ANKRD33B: variants seen among roughly 807,000 people sequenced by gnomAD.
The protein encoded by ANKRD33B is ankyrin repeat domain 33B, also known as ankyrin repeat domain-containing protein 33B.
In ANKRD33B, 6 loss-of-function variants were observed where a neutral mutation model predicts 21.5. The observed-to-expected ratio is 0.28, with a 90% CI of 0.15 to 0.55. The LOEUF (loss-of-function observed/expected upper bound fraction) is 0.55. Ranked by LOEUF, ANKRD33B falls within the 20% of genes least tolerant of loss-of-function variation. ANKRD33B has a pLI of 0.94. For missense variants in ANKRD33B, 698 were observed against 747.2 expected (o/e 0.93, Z 0.77); for synonymous variants, 347 against 342.4 (o/e 1.01, Z -0.15).
chr5:10,638,537 T>C (rs1736929076), intron 3 of ANKRD33B, among the ~76,000 whole-genome samples: 2 of 152,216 alleles, frequency 1.3e-5, no homozygotes, highest in African/African-American at 2.4e-5. Context: ...AAGGTGGGCG[T>C]AGGGATGGTG....
In ANKRD33B at chr5:10,622,794, C is replaced by CTTTTT. The variant is rs1436392852; in HGVS notation, c.496+4335_496+4336insTTTTT. Among the ~76,000 whole-genome samples the CTTTTT allele has an allele frequency of 1.3e-4, 10 of 78,588 alleles. 1 individual carries two copies. Among genetic ancestry groups the CTTTTT allele is most frequent in the Non-Finnish European group, 1.7e-4 (7 of 41,654 alleles). 51.6% of individuals were successfully genotyped at this position (78,588 alleles called of 152,430 possible). The stretch of plus-strand genomic sequence containing the variant: ...GATCCAGGGTTGTTTTTTGTTTTTG[C>CTTTTT]TTTATTTTATTTTATTTTTTTTTTT... On this transcript the variant is annotated intron_variant, in intron 2 of 3. Coordinates refer to ENST00000296657, the MANE Select transcript of ANKRD33B (RefSeq NM_001164440.2).
chr5:10,585,717 A>G (rs1279682992), intron 1 of ANKRD33B, among the ~76,000 whole-genome samples: 1 of 152,100 alleles, frequency 6.6e-6, no homozygotes, highest in Non-Finnish European at 1.5e-5. Context: ...CAGGTGTTTG[A>G]TGGGTTACCA....
rs1156673817 is a variant in ANKRD33B, at chr5:10,650,047, C to T, written c.1419C>T (p.Ala473=). ...AGGAGAAGAGGAAGGCAGAGGAGGC[C>T]GAAAAGAAGCGCCAGGCCGAGGCGC... The part of the protein sequence containing the change: ...AKEEKRKAEE[A]EKKRQAEAQK... The change falls in exon 4 of 4, where the codon GCC becomes GCT. Residue 473 remains alanine (A), a synonymous_variant. Transcript: ENST00000296657. 2 of 1,530,938 alleles carry T rather than the reference C, an allele frequency of 1.3e-6. No homozygotes were observed. The highest frequency in any genetic ancestry group is 8.7e-7 in the Non-Finnish European group (1 of 1,143,668). The allele number at this position is 1,530,938 out of a possible 1,614,324, so 94.8% of individuals were successfully genotyped here. A position where few individuals can be genotyped will look rare whatever the true frequency, so the allele number is the denominator to read the frequency against.
At chr5:10,573,529 G>A (rs1735248910) in intron 1 of ANKRD33B, among the ~76,000 whole-genome samples, 1 of 151,398 alleles carries the variant, frequency 6.6e-6, no homozygotes, top group African/African-American at 2.4e-5. Flanking sequence ...GTATTAGTCT[G>A]TTTTCATACT....
chr5:10,641,947 T>C (rs757007802), intron 3 of ANKRD33B, among the ~76,000 whole-genome samples: 1 of 152,260 alleles, frequency 6.6e-6, no homozygotes, highest in Non-Finnish European at 1.5e-5. Context: ...TTCCTACTAA[T>C]TAAATGGTAA....
intron 1 of ANKRD33B, among the ~76,000 whole-genome samples, chr5:10,610,861 G>T (rs755845071): frequency 4.6e-5 from 7 of 152,032 alleles, no homozygotes; most frequent in South Asian, 2.1e-4. Context: ...CTTGGCCAAC[G>T]TGGCGAAACC....
At chr5:10,575,511 GT>G (rs1456395674) in intron 1 of ANKRD33B, among the ~76,000 whole-genome samples, 9 of 152,074 alleles carry the variant, frequency 5.9e-5, no homozygotes, top group African/African-American at 2.2e-4. Context: ...AACGGAACCA[GT>G]TTTCTGTCCT....
intron 1 of ANKRD33B, among the ~76,000 whole-genome samples, chr5:10,590,685 C>T (rs950392591): frequency 6.6e-6 from 1 of 152,146 alleles, no homozygotes; most frequent in Admixed American, 6.5e-5. Flanking sequence ...ATTCTTCTTC[C>T]ATTGAGGTCC....
intron 1 of ANKRD33B, among the ~76,000 whole-genome samples, chr5:10,609,008 C>A: frequency 6.6e-6 from 1 of 152,198 alleles, no homozygotes. Flanking sequence ...ATCCTGATGC[C>A]AGCTTTAGTG....
At chr5:10,592,765 G>T (rs1447550052) in intron 1 of ANKRD33B, among the ~76,000 whole-genome samples, 3 of 152,096 alleles carry the variant, frequency 2.0e-5, no homozygotes, top group African/African-American at 7.2e-5. Flanking sequence ...ATTTCATCTG[G>T]CAGTCCCCTC....
intron 2 of ANKRD33B, among the ~76,000 whole-genome samples, chr5:10,623,583 G>A (rs73744120): frequency 0.049 from 7,505 of 152,290 alleles, 434 homozygotes; most frequent in African/African-American, 0.14. Flanking sequence ...CAGGATTTTC[G>A]CACAGGAATT....
Position 10,564,846 on chromosome 5 carries a change from C to G in ANKRD33B, c.366+13C>G. On this transcript the variant is annotated intron_variant, in intron 1 of 3. Transcript: ENST00000296657. Reference sequence around the variant, plus strand: ...CCGCAACGGCAGGGTAAGCGGGCGTCCCCGCAGGATTTGAGCCCCCTCACT... The same window carrying G: ...CCGCAACGGCAGGGTAAGCGGGCGTGCCCGCAGGATTTGAGCCCCCTCACT... The G allele has an allele frequency of 6.7e-7, 1 of 1,486,120 alleles. No homozygotes were observed. Among genetic ancestry groups the G allele is most frequent in the Non-Finnish European group, 8.9e-7 (1 of 1,118,482 alleles). 92.1% of individuals were successfully genotyped at this position (1,486,120 alleles called of 1,614,324 possible).
chr5:10,606,872 G>A (rs971753878), intron 1 of ANKRD33B, among the ~76,000 whole-genome samples: 1 of 151,794 alleles, frequency 6.6e-6, no homozygotes, highest in Non-Finnish European at 1.5e-5. Flanking sequence ...GCGATTACAG[G>A]TGTGCGTTAC....
At chr5:10,573,019 T>C (rs1735232392) in intron 1 of ANKRD33B, among the ~76,000 whole-genome samples, 1 of 152,216 alleles carries the variant, frequency 6.6e-6, no homozygotes, top group Non-Finnish European at 1.5e-5. Flanking sequence ...TCTTTGAAAT[T>C]GCTCTCAAAT....
At chr5:10,627,327 G>A (rs1049796310) in intron 2 of ANKRD33B, 1 of 152,276 alleles carries the variant, frequency 6.6e-6, no homozygotes, top group Admixed American at 6.5e-5. Flanking sequence ...ACGTGGTAAA[G>A]TGAGGAAACG....
At position 10,649,908 on chromosome 5, in the gene ANKRD33B, G is replaced by A. The variant is rs902186415; in HGVS notation, c.1280G>A (p.Arg427Gln). The A allele has an allele frequency of 3.3e-6, 5 of 1,518,016 alleles. No homozygotes were observed. The African/African-American group carries it at 7.1e-5, about 22-fold the overall frequency. The allele number at this position is 1,518,016 out of a possible 1,614,324, so 94.0% of individuals were successfully genotyped here. A position where few individuals can be genotyped will look rare whatever the true frequency, so the allele number is the denominator to read the frequency against. The stretch of plus-strand genomic sequence containing the variant: ...CCCGGTGTGGTGGTGCCCCGGGTCC[G>A]AGTCAGCAAGGCGCCCGCGCCCACC... ...VRPGVVVPRV[R>Q]VSKAPAPTFQ... The change falls in exon 4 of 4, where the codon CGA becomes CAA. Residue 427 changes from arginine to glutamine, a missense_variant. Arg to Gln is a conservative substitution (Grantham distance 43). This residue lies in a region of ANKRD33B where 543 missense variants were observed against 566.5 expected (regional missense o/e 0.96). Transcript: ENST00000296657.
At chr5:10,644,826 C>T (rs1303677957) in intron 3 of ANKRD33B, among the ~76,000 whole-genome samples, 3 of 152,184 alleles carry the variant, frequency 2.0e-5, no homozygotes, top group Non-Finnish European at 4.4e-5. Context: ...AACCTCGAGA[C>T]AAGGACTTGG....
chr5:10,574,029 G>A (rs561725619), intron 1 of ANKRD33B, among the ~76,000 whole-genome samples: 4 of 152,272 alleles, frequency 2.6e-5, no homozygotes, highest in Admixed American at 6.5e-5. Flanking sequence ...TGCTCTTCAC[G>A]TCTGTGTGGC....
At chr5:10,630,833 A>G (rs1257715675) in intron 2 of ANKRD33B, among the ~76,000 whole-genome samples, 2 of 150,216 alleles carry the variant, frequency 1.3e-5, no homozygotes, top group East Asian at 3.9e-4. Context: ...AGGTCGCGCC[A>G]CTGCACTCCA....
Sources: gnomAD v4.1 joint callset for allele counts (sites outside exome capture counted in the v4.1 genomes callset) on GRCh38, gnomAD v4.1.1 for gene constraint, gnomAD v4.1.1 regional missense constraint, MANE v1.5 for transcripts, NCBI Gene and HGNC (gene_info 2026-07-23, HGNC 2026-07-21) for gene names.